Variants in HSPA9 observed in about 807,000 individuals in gnomAD.
HSPA9 encodes the protein heat shock protein family A (Hsp70) member 9.
In HSPA9, 28 loss-of-function variants were observed where a neutral mutation model predicts 81.5. The observed-to-expected ratio is 0.34, with a 90% CI of 0.25 to 0.47. The LOEUF is 0.47. Among genes scored for constraint, HSPA9 ranks in the 20% least tolerant of loss-of-function variants. The probability of loss-of-function intolerance (pLI) is 1.00; values close to 1 mark genes in which losing one functional copy is unlikely to be tolerated. For synonymous variants in HSPA9, 293 were observed against 290.4 expected (o/e 1.01, Z -0.09); for missense variants, 678 against 838.0 (o/e 0.81, Z 2.36).
chr5:138,557,612 AGAG>A (rs1750556049), intron 13 of HSPA9, 116 bp from the exon 14 acceptor site: 1 of 780,430 alleles, frequency 1.3e-6, no homozygotes, highest in African/African-American at 1.7e-5. Context: ...CAAATTATGA[AGAG>A]GAGAAATACC....
At chr5:138,557,372 A>G in intron 14 of HSPA9, 30 bp downstream of exon 14, 2 of 1,466,278 alleles carry the variant, frequency 1.4e-6, no homozygotes, top group Non-Finnish European at 1.9e-6. Context: ...CTTTACTAAG[A>G]TTAAAGTTCA....
intron 9 of HSPA9, among the ~76,000 whole-genome samples, chr5:138,562,495 G>A (rs1385087482): frequency 6.6e-6 from 1 of 152,006 alleles, no homozygotes; most frequent in Non-Finnish European, 1.5e-5. Flanking sequence ...AGGTTGCGGT[G>A]AGCCGAGATT....
intron 10 of HSPA9, among the ~76,000 whole-genome samples, chr5:138,561,326 A>T (rs547853198): frequency 1.2e-4 from 18 of 152,140 alleles, no homozygotes; most frequent in African/African-American, 4.1e-4. Flanking sequence ...ATACATATAT[A>T]TATATAAATT....
chr5:138,571,812 T>TGTGTGTG (rs1750901633), intron 3 of HSPA9, among the ~76,000 whole-genome samples: 1 of 146,178 alleles, frequency 6.8e-6, no homozygotes, highest in African/African-American at 2.5e-5. Flanking sequence ...CCAACTAATT[T>TGTGTGTG]TGTGTGTGTG....
intron 5 of HSPA9, 47 bp from the exon 6 acceptor site, chr5:138,567,769 TA>T: frequency 5.1e-6 from 7 of 1,377,484 alleles, no homozygotes; most frequent in Non-Finnish European, 6.2e-6. Flanking sequence ...AGAACAGAAT[TA>T]TTAATATAGC....
chr5:138,556,375 G>A (rs1035500469), intron 16 of HSPA9, 77 bp downstream of exon 16: 21 of 1,514,354 alleles, frequency 1.4e-5, no homozygotes, highest in African/African-American at 4.1e-5. Context: ...GGCTATGGAG[G>A]GAGCCACCAG....
chr5:138,555,254 T>C lies in HSPA9; in HGVS notation c.*783A>G, dbSNP rs1395088241. 2 of 152,124 alleles carry C rather than the reference T, an allele frequency of 1.3e-5. No individual in the cohort carries two copies. The highest frequency in any genetic ancestry group is 2.9e-5 in the Non-Finnish European group (2 of 68,046). The allele number at this position is 152,124 out of a possible 1,614,324, so 9.4% of individuals were successfully genotyped here. On this transcript the variant is annotated 3_prime_UTR_variant, in exon 17 of 17. Transcript: ENST00000297185. ...AGTGTTAGCAAATCCTGTATTTCCC[T>C]CTTTGGGAAATATGGGAAGCATGAG...
At position 138,571,030 on chromosome 5, in the gene HSPA9, T is replaced by C. The variant is rs1377304917; in HGVS notation, c.340A>G (p.Asn114Asp). ...PAKRQAVTNP[N>D]NTFYATKRLI... is the part of the protein sequence containing the mutation. ...CGCTTGGTAGCATAAAATGTATTGT[T>C]TGGGTTGGTGACAGCCTGTCGCTTG... Residue 114 changes from asparagine to aspartate, a missense_variant, in exon 4 of 17, where the codon AAC becomes GAC. By Grantham distance (23) the Asn-to-Asp change is conservative (BLOSUM62 1). Coordinates refer to ENST00000297185, the MANE Select transcript of HSPA9 (RefSeq NM_004134.7). 6.2e-7 allele frequency: 1 copy of C among 1,614,158 alleles called. No individual in the cohort carries two copies. The highest frequency in any genetic ancestry group is 1.1e-5 in the South Asian group (1 of 91,084).
At chr5:138,566,188 C>CAAAAAAAAAA (rs1186233815) in intron 9 of HSPA9, among the ~76,000 whole-genome samples, 1 of 59,642 alleles carries the variant, frequency 1.7e-5, no homozygotes, top group Non-Finnish European at 3.1e-5. Context: ...AACTCTGTCT[C>CAAAAAAAAAA]AAAAAAAAAA....
intron 5 of HSPA9, among the ~76,000 whole-genome samples, chr5:138,568,402 AG>A (rs1349945665): frequency 6.7e-6 from 1 of 148,440 alleles, no homozygotes; most frequent in African/African-American, 2.5e-5. Context: ...GTTGGGGGGG[AG>A]GGAGAGGGCA....
intron 10 of HSPA9, chr5:138,560,730 A>C (rs1478877878): frequency 1.1e-5 from 3 of 264,494 alleles, no homozygotes; most frequent in Non-Finnish European, 2.3e-5. Flanking sequence ...TTATATTTTT[A>C]GTAGAGACAG....
rs1159671516 is a variant in HSPA9, at chr5:138,558,672, A to AC, written c.1411-16dup. 3 of 1,525,332 alleles carry AC rather than the reference A, an allele frequency of 2.0e-6. No individual in the cohort carries two copies. In the African/African-American group the frequency reaches 4.1e-5, roughly 21 times the overall value. 94.5% of individuals were successfully genotyped at this position (1,525,332 alleles called of 1,614,324 possible). A position where few individuals can be genotyped will look rare whatever the true frequency, so the allele number is the denominator to read the frequency against. On this transcript the variant is annotated splice_polypyrimidine_tract_variant and intron_variant, in intron 11 of 16. Transcript: ENST00000297185. ...GTAGAGAATACCTAGGGAAGAAGAA[A>AC]CCCTCCTGGGTTGTCAATGTGATTA...
intron 14 of HSPA9, chr5:138,557,077 GAAGA>G (rs1463065702): frequency 3.2e-6 from 2 of 620,480 alleles, no homozygotes; most frequent in Non-Finnish European, 5.7e-6. Context: ...AGGGAAAACA[GAAGA>G]AATAATAAAG....
intron 9 of HSPA9, among the ~76,000 whole-genome samples, chr5:138,562,499 C>T (rs1011294457): frequency 1.6e-4 from 24 of 151,856 alleles, no homozygotes; most frequent in Non-Finnish European, 3.1e-4. Context: ...TGCGGTGAGC[C>T]GAGATTGTGC....
intron 9 of HSPA9, among the ~76,000 whole-genome samples, chr5:138,566,016 G>A (rs1750752204): frequency 6.6e-6 from 1 of 152,002 alleles, no homozygotes; most frequent in African/African-American, 2.4e-5. Flanking sequence ...GCAGAACCCT[G>A]TCTGTACTAT....
rs1245956127 is a variant in HSPA9 at position 138,555,515 on chromosome 5, C to T, written c.*522G>A. On this transcript the variant is annotated 3_prime_UTR_variant, in exon 17 of 17. Coordinates refer to ENST00000297185, the MANE Select transcript of HSPA9 (RefSeq NM_004134.7). ...TAATAGCTGTACCTAATATAAATAG[C>T]TAAGTTTCCCATTGTTCTAGATTCC... The T allele has an allele frequency of 5.8e-6, 1 of 172,022 alleles. No individual in the cohort carries two copies. Among genetic ancestry groups the T allele is most frequent in the Non-Finnish European group, 1.3e-5 (1 of 79,332 alleles). The allele number at this position is 172,022 out of a possible 1,614,324, so 10.7% of individuals were successfully genotyped here. A position where few individuals can be genotyped will look rare whatever the true frequency, so the allele number is the denominator to read the frequency against.
In HSPA9 at chr5:138,556,428, C is replaced by A. The variant is rs781571670; in HGVS notation, c.1962+24G>T. 32 of 1,611,384 alleles carry A rather than the reference C, an allele frequency of 2.0e-5. No homozygotes were observed. The South Asian group carries it at 3.5e-4, about 18-fold the overall frequency. ...AGTTCCATCCAGATCAAGTTAGAAT[C>A]AAAATCCACTTCAGCCCTTGTACCT... On this transcript the variant is annotated intron_variant, in intron 16 of 16. Coordinates refer to ENST00000297185, the MANE Select transcript of HSPA9 (RefSeq NM_004134.7).
Position 138,560,110 on chromosome 5 carries a change from G to T in HSPA9, c.1183-19C>A, listed in dbSNP as rs1367376535. 1.3e-6 allele frequency: 2 copies of T among 1,594,254 alleles called. No individual in the cohort carries two copies. Among genetic ancestry groups the T allele is most frequent in the Non-Finnish European group, 8.6e-7 (1 of 1,163,208 alleles). ...GCTGAACCTGAACATCAAGGAAAAA[G>T]AACCTGTCGGCCCACACTTGGGAAC... On this transcript the variant is annotated intron_variant, in intron 10 of 16. Transcript: ENST00000297185.
In HSPA9 at chr5:138,559,849, A is replaced by G. The variant is rs144313015; in HGVS notation, c.1410+15T>C. The G allele has an allele frequency of 6.5e-7, 1 of 1,530,436 alleles. No individual in the cohort carries two copies. The highest frequency in any genetic ancestry group is 1.4e-5 in the African/African-American group (1 of 73,430). 94.8% of individuals were successfully genotyped at this position (1,530,436 alleles called of 1,614,324 possible). A position where few individuals can be genotyped will look rare whatever the true frequency, so the allele number is the denominator to read the frequency against. ...CTAAAACCCATGTGACAAGGTAGGA[A>G]GTGATGGCTCTTACCTGGCTCTTCT... On this transcript the variant is annotated intron_variant, in intron 11 of 16. Transcript: ENST00000297185.
Sources: allele counts gnomAD v4.1 joint callset (sites outside exome capture counted in the v4.1 genomes callset), GRCh38; gene constraint gnomAD v4.1.1; transcripts MANE v1.5; gene names NCBI Gene and HGNC (gene_info 2026-07-23, HGNC 2026-07-21).